KLF8: variants seen among roughly 807,000 people sequenced by gnomAD.
The protein encoded by KLF8 is Krueppel-like factor 8.
In KLF8, 10 loss-of-function variants were observed where a neutral mutation model predicts 18.2. That is an observed-to-expected ratio of 0.55 (90% confidence interval 0.34 to 0.93). KLF8 has a LOEUF of 0.93. KLF8 is among the 40% of genes least tolerant of loss of function. The pLI, the probability that KLF8 is intolerant of heterozygous loss-of-function variation, is 0.02. For missense variants in KLF8, 264 were observed against 277.9 expected (o/e 0.95, Z 0.36); for synonymous variants, 109 against 97.3 (o/e 1.12, Z -0.71).
chrX:56,183,198 A>G, the KLF8 span, among the ~76,000 whole-genome samples: 2 of 111,692 alleles, frequency 1.8e-5, no homozygotes, highest in Non-Finnish European at 3.8e-5. Flanking sequence ...TCTTGCTGCC[A>G]CCTTGCAGTT....
At chrX:55,967,460 A>T in the KLF8 span, among the ~76,000 whole-genome samples, 87 of 110,122 alleles carry the variant, frequency 7.9e-4, no homozygotes, top group Middle Eastern at 9.3e-3. Context: ...AGTGGCATGT[A>T]TTTAAAGTGC....
the KLF8 span, among the ~76,000 whole-genome samples, chrX:56,060,641 A>C: frequency 9.0e-6 from 1 of 111,513 alleles, no homozygotes; most frequent in East Asian, 2.8e-4. Flanking sequence ...ATTGGCCTGA[A>C]GTTTTCTTTT....
the KLF8 span, among the ~76,000 whole-genome samples, chrX:55,943,778 A>T: frequency 8.9e-6 from 1 of 112,224 alleles, no homozygotes; most frequent in Non-Finnish European, 1.9e-5. Context: ...CTTCTTTGGA[A>T]CATTGTGTTT....
rs375351098 is a variant in KLF8 at position 56,282,158 on chromosome X, C to T, written c.899-2155C>T. Among the ~76,000 whole-genome samples the T allele has an allele frequency of 9.8e-5, 11 of 112,407 alleles. No individual in the cohort carries two copies. The East Asian group carries it at 2.5e-3, about 26-fold the overall frequency. On this transcript the variant is annotated intron_variant, in intron 5 of 5. Coordinates refer to ENST00000468660, the MANE Select transcript of KLF8 (RefSeq NM_007250.5). ...AATTTAATTTACACACTCTAAACAT[C>T]CCCTGAAATCCTATTCTTCTTCCCT... is the stretch of plus-strand genomic sequence containing the variant.
the KLF8 span, among the ~76,000 whole-genome samples, chrX:56,137,600 T>C: frequency 4.7e-5 from 3 of 63,983 alleles, no homozygotes; most frequent in Admixed American, 2.4e-4. Flanking sequence ...CTCTGAGGAC[T>C]GTTGGGTGGG....
the KLF8 span, among the ~76,000 whole-genome samples, chrX:56,168,811 T>C: frequency 9.0e-6 from 1 of 111,255 alleles, no homozygotes; most frequent in African/African-American, 3.3e-5. Context: ...TCCATGTCCC[T>C]ACAAAGGACA....
At chrX:56,017,949 A>G in the KLF8 span, among the ~76,000 whole-genome samples, 2 of 111,758 alleles carry the variant, frequency 1.8e-5, no homozygotes, top group Non-Finnish European at 3.8e-5. Context: ...TATAGGGTAC[A>G]TGTAATACCA....
chrX:56,073,964 T>C, the KLF8 span, among the ~76,000 whole-genome samples: 1 of 111,537 alleles, frequency 9.0e-6, no homozygotes, highest in Non-Finnish European at 1.9e-5. Flanking sequence ...GCCAGGCTGG[T>C]CTCGAACTCT....
the KLF8 span, among the ~76,000 whole-genome samples, chrX:55,951,195 T>C: frequency 9.0e-6 from 1 of 111,045 alleles, no homozygotes; most frequent in Admixed American, 9.7e-5. Context: ...GATTGTGGGC[T>C]CTGGGCACGG....
chrX:56,268,090 A>C (rs1249418982), intron 3 of KLF8: 1 of 111,009 alleles, frequency 9.0e-6, no homozygotes, highest in Non-Finnish European at 1.9e-5. Context: ...ACTTAACATA[A>C]TGTCCTCCAG....
At chrX:55,941,051 G>C in the KLF8 span, among the ~76,000 whole-genome samples, 2 of 111,683 alleles carry the variant, frequency 1.8e-5, no homozygotes, top group Non-Finnish European at 3.8e-5. Flanking sequence ...AACCAAAAAA[G>C]AGCCCACATT....
the KLF8 span, among the ~76,000 whole-genome samples, chrX:56,164,008 G>A: frequency 2.7e-5 from 3 of 111,792 alleles, no homozygotes; most frequent in African/African-American, 9.7e-5. Flanking sequence ...TAGACTTGTA[G>A]TATAGTTTAT....
chrX:56,210,313 A>G, the KLF8 span, among the ~76,000 whole-genome samples: 20 of 111,995 alleles, frequency 1.8e-4, no homozygotes. Flanking sequence ...TAGATATGCT[A>G]TTCTGGGATA....
At chrX:56,000,502 A>G in the KLF8 span, among the ~76,000 whole-genome samples, 1 of 59,564 alleles carries the variant, frequency 1.7e-5, no homozygotes, top group Non-Finnish European at 3.7e-5. Context: ...ATTTTTTTTT[A>G]TTACTGATTC....
chrX:55,943,909 A>T, the KLF8 span, among the ~76,000 whole-genome samples: 1 of 111,959 alleles, frequency 8.9e-6, no homozygotes, highest in Non-Finnish European at 1.9e-5. Flanking sequence ...GTGAACCCTG[A>T]TGTTTGCAGA....
chrX:56,159,781 C>A, the KLF8 span, among the ~76,000 whole-genome samples: 2 of 110,930 alleles, frequency 1.8e-5, no homozygotes, highest in African/African-American at 3.3e-5. Flanking sequence ...TCTCTCTTTT[C>A]TTCTTTATTA....
the KLF8 span, among the ~76,000 whole-genome samples, chrX:56,048,490 A>G: frequency 3.6e-5 from 4 of 111,961 alleles, no homozygotes; most frequent in Non-Finnish European, 5.6e-5. Flanking sequence ...ACATATGGCT[A>G]GCCAGTTTTC....
chrX:56,088,089 G>T, the KLF8 span, among the ~76,000 whole-genome samples: 2 of 111,424 alleles, frequency 1.8e-5, no homozygotes, highest in African/African-American at 3.3e-5. Context: ...TGGGAAAATC[G>T]TTGTAAAAGG....
At chrX:56,157,803 T>G in the KLF8 span, among the ~76,000 whole-genome samples, 1 of 111,707 alleles carries the variant, frequency 9.0e-6, no homozygotes, top group Non-Finnish European at 1.9e-5. Context: ...CTTTGTCAGA[T>G]GAGTAGATTG....
Sources: gnomAD v4.1 joint callset for allele counts (sites outside exome capture counted in the v4.1 genomes callset) on GRCh38, gnomAD v4.1.1 for gene constraint, MANE v1.5 for transcripts, NCBI Gene and HGNC (gene_info 2026-07-23, HGNC 2026-07-21) for gene names.